The following FOXP2 variants were observed in gnomAD, a reference collection of about 807,000 sequenced individuals.
The protein encoded by FOXP2 is forkhead box P2, also known as forkhead box protein P2.
Under a neutral mutation model 115.8 loss-of-function variants are expected in FOXP2, and 12 were observed. The observed-to-expected ratio is 0.10, with a 90% CI of 0.07 to 0.17. The LOEUF is 0.17. FOXP2 is among the 10% of genes least tolerant of loss of function. The pLI is 1.00. For missense variants in FOXP2, 629 were observed against 843.5 expected, an observed-to-expected ratio of 0.75 and a Z score of 3.15; for synonymous variants, 328 against 297.7, an observed-to-expected ratio of 1.10 and a Z score of -1.05.
intron 2 of FOXP2, among the ~76,000 whole-genome samples, chr7:114,377,268 A>G (rs1792163627): frequency 1.3e-5 from 2 of 152,222 alleles, no homozygotes; most frequent in Admixed American, 1.3e-4. Flanking sequence ...ATACTTTCCA[A>G]ATACTCATTG....
chr7:114,222,799 AG>A (rs1360355532), intron 1 of FOXP2, among the ~76,000 whole-genome samples: 1 of 152,228 alleles, frequency 6.6e-6, no homozygotes, highest in African/African-American at 2.4e-5. Flanking sequence ...ATTAATTACA[AG>A]ATGCAAAGGA....
chr7:114,225,411 C>T (rs1794722325), intron 1 of FOXP2, among the ~76,000 whole-genome samples: 1 of 150,916 alleles, frequency 6.6e-6, no homozygotes, highest in Non-Finnish European at 1.5e-5. Context: ...ACATATTTTT[C>T]TAGTAATTTC....
At chr7:114,207,227 T>A (rs941761772) in intron 1 of FOXP2, among the ~76,000 whole-genome samples, 2 of 152,226 alleles carry the variant, frequency 1.3e-5, no homozygotes, top group Non-Finnish European at 2.9e-5. Context: ...GACATTTAGG[T>A]TGTTTCCACT....
At chr7:114,217,229 G>A (rs188504858) in intron 1 of FOXP2, among the ~76,000 whole-genome samples, 236 of 152,248 alleles carry the variant, frequency 1.6e-3, no homozygotes, top group Non-Finnish European at 2.3e-3. Flanking sequence ...CCCTCTGTAG[G>A]GGGCCTTGAA....
intron 1 of FOXP2, among the ~76,000 whole-genome samples, chr7:114,202,864 T>C (rs1794104047): frequency 6.6e-6 from 1 of 152,210 alleles, no homozygotes; most frequent in Non-Finnish European, 1.5e-5. Context: ...TTATTACTAT[T>C]TAATAGATGT....
chr7:114,420,806 T>C (rs528818482), intron 1 of FOXP2, among the ~76,000 whole-genome samples: 1 of 151,890 alleles, frequency 6.6e-6, no homozygotes. Context: ...ATTTAAATGA[T>C]TTAATGAATT....
intron 1 of FOXP2, among the ~76,000 whole-genome samples, chr7:114,281,198 T>TTGCTGGCA (rs1796329216): frequency 7.0e-6 from 1 of 143,574 alleles, no homozygotes; most frequent in Non-Finnish European, 1.5e-5. Context: ...CCCTCCCGGG[T>TTGCTGGCA]TTAAGCAATG....
chr7:114,521,736 G>T (rs1798636479), intron 2 of FOXP2, among the ~76,000 whole-genome samples: 1 of 136,090 alleles, frequency 7.3e-6, no homozygotes, highest in Non-Finnish European at 1.6e-5. Flanking sequence ...AAAGTCATGG[G>T]TAAAAATATT....
intron 3 of FOXP2, among the ~76,000 whole-genome samples, chr7:114,602,837 G>A (rs1185501978): frequency 6.6e-6 from 1 of 152,054 alleles, no homozygotes; most frequent in Non-Finnish European, 1.5e-5. Context: ...AGGAATCTAG[G>A]AATTGGTCTA....
chr7:114,493,021 C>A lies in FOXP2; in HGVS notation c.169-41596C>A, dbSNP rs183509496. On this transcript the variant is annotated intron_variant, in intron 2 of 16. Coordinates refer to ENST00000350908, the MANE Select transcript of FOXP2 (RefSeq NM_014491.4). ...GTTGACAGTGGGATGTTAAAGTCTC[C>A]CATTATTATTGTGTAGGAGTCTAAG... 2.6e-5 allele frequency among the ~76,000 whole-genome samples: 4 copies of A among 152,088 alleles called. No homozygotes were observed. The East Asian group carries it at 7.7e-4, about 29-fold the overall frequency.
Position 114,605,210 on chromosome 7 carries a change from C to T in FOXP2, c.259-23330C>T, listed in dbSNP as rs1803249585. On this transcript the variant is annotated intron_variant, in intron 3 of 16. Coordinates refer to ENST00000350908, the MANE Select transcript of FOXP2 (RefSeq NM_014491.4). Reference sequence around the variant, plus strand: ...TTTTTTTCTTGCCATTACATCTTCACAGCAGATTAAATGACCCCAAAATAC... The same window carrying T: ...TTTTTTTCTTGCCATTACATCTTCATAGCAGATTAAATGACCCCAAAATAC... 1.3e-5 allele frequency among the ~76,000 whole-genome samples: 2 copies of T among 152,100 alleles called. 1 individual carries two copies. The highest frequency in any genetic ancestry group is 4.1e-4 in the South Asian group (2 of 4,826).
intron 1 of FOXP2, among the ~76,000 whole-genome samples, chr7:114,287,710 T>C (rs1255483709): frequency 6.6e-6 from 1 of 151,960 alleles, no homozygotes. Flanking sequence ...AGTTAATCAC[T>C]GAAAAGTTTA....
At chr7:114,118,261 C>A (rs947544696) in intron 1 of FOXP2, among the ~76,000 whole-genome samples, 1 of 152,062 alleles carries the variant, frequency 6.6e-6, no homozygotes, top group Non-Finnish European at 1.5e-5. Flanking sequence ...AGAATTTATG[C>A]CACTCATACT....
At chr7:114,682,990 A>G (rs909084149) in intron 16 of FOXP2, among the ~76,000 whole-genome samples, 2 of 152,114 alleles carry the variant, frequency 1.3e-5, no homozygotes, top group Non-Finnish European at 2.9e-5. Context: ...TTGATGGCAA[A>G]TAGATCTTTT....
chr7:114,625,358 C>T (rs944726976), intron 3 of FOXP2, among the ~76,000 whole-genome samples: 1 of 151,692 alleles, frequency 6.6e-6, no homozygotes, highest in East Asian at 1.9e-4. Context: ...AAATTGTGAT[C>T]CCTTATTAGA....
Position 114,113,543 on chromosome 7 carries a change from T to C in FOXP2, c.-247+25705T>C, listed in dbSNP as rs1791328547. Among the ~76,000 whole-genome samples the C allele has an allele frequency of 2.0e-5, 3 of 152,156 alleles. No individual in the cohort carries two copies. In the South Asian group the frequency reaches 6.2e-4, roughly 32 times the overall value. On this transcript the variant is annotated intron_variant, in intron 1 of 19. Transcript: ENST00000635638. Reference sequence around the variant, plus strand: ...ACTACAGGTGTGTGCTACCATTTTTTAAATTTTTTGTAGGGACGGCCTCAC... The same window carrying C: ...ACTACAGGTGTGTGCTACCATTTTTCAAATTTTTTGTAGGGACGGCCTCAC...
intron 2 of FOXP2, among the ~76,000 whole-genome samples, chr7:114,521,206 G>T (rs759921837): frequency 4.1e-4 from 63 of 152,078 alleles, no homozygotes; most frequent in Non-Finnish European, 5.3e-4. Flanking sequence ...GATTTTAATA[G>T]AATTCTAATT....
intron 3 of FOXP2, among the ~76,000 whole-genome samples, chr7:114,618,627 A>G (rs1003049374): frequency 2.6e-5 from 4 of 152,204 alleles, no homozygotes; most frequent in Non-Finnish European, 5.9e-5. Context: ...TTTTATATAA[A>G]TGGTAGAATG....
chr7:114,176,539 C>T (rs1414744724), intron 1 of FOXP2, among the ~76,000 whole-genome samples: 1 of 151,808 alleles, frequency 6.6e-6, no homozygotes. Context: ...CGGGATTTCA[C>T]CATATTGCCC....
Sources: allele counts gnomAD v4.1 joint callset (sites outside exome capture counted in the v4.1 genomes callset), GRCh38; gene constraint gnomAD v4.1.1; transcripts MANE v1.5; gene names NCBI Gene and HGNC (gene_info 2026-07-23, HGNC 2026-07-21).